SCIN: variants seen among roughly 807,000 people sequenced by gnomAD.
SCIN encodes the protein adseverin.
In SCIN, 91 loss-of-function variants were observed where a neutral mutation model predicts 91.8. The observed-to-expected ratio is 0.99, with a 90% CI of 0.84 to 1.18. The LOEUF is 1.18. Among genes scored for constraint, SCIN ranks in the 50% most tolerant of loss-of-function variants. The pLI is 0.00. For missense variants in SCIN, 1,087 were observed against 863.9 expected, an observed-to-expected ratio of 1.26 and a Z score of -3.24; for synonymous variants, 367 against 312.6, an observed-to-expected ratio of 1.17 and a Z score of -1.84.
intron 4 of SCIN, 68 bp from the exon 5 acceptor site, chr7:12,622,733 A>G (rs1362905472): frequency 1.2e-5 from 13 of 1,083,898 alleles, no homozygotes; most frequent in Non-Finnish European, 1.8e-5. Context: ...TTATAAGTGT[A>G]TTTTTCTAAC....
intron 3 of SCIN, among the ~76,000 whole-genome samples, chr7:12,592,224 C>T (rs1049497517): frequency 2.0e-5 from 3 of 151,634 alleles, no homozygotes; most frequent in Non-Finnish European, 2.9e-5. Flanking sequence ...GTGTTGGTAG[C>T]GACGAGAGAG....
chr7:12,654,447 A>G lies in SCIN; in HGVS notation c.*1732A>G, dbSNP rs1343475725. On this transcript the variant is annotated 3_prime_UTR_variant, in exon 16 of 16. Transcript: ENST00000297029. ...TTGCTATGGCAGTGTAACCTGTACT[A>G]ATAAATATAGTGCTAGTCCTGCATG... 1.3e-5 allele frequency: 2 copies of G among 152,172 alleles called. No individual in the cohort carries two copies. The highest frequency in any genetic ancestry group is 4.8e-5 in the African/African-American group (2 of 41,448). 9.4% of individuals were successfully genotyped at this position (152,172 alleles called of 1,614,324 possible).
intron 9 of SCIN, among the ~76,000 whole-genome samples, chr7:12,631,936 T>C (rs1208694998): frequency 1.3e-5 from 2 of 151,766 alleles, no homozygotes; most frequent in Non-Finnish European, 2.9e-5. Flanking sequence ...CTGAAGAACA[T>C]TTAGGGAACA....
chr7:12,626,511 T>A, intron 7 of SCIN, 73 bp from the exon 8 acceptor site: 1 of 1,154,388 alleles, frequency 8.7e-7, no homozygotes, highest in Non-Finnish European at 1.2e-6. Context: ...TACTTTTGTC[T>A]CCACTGCCAG....
intron 2 of SCIN, among the ~76,000 whole-genome samples, chr7:12,579,861 G>T (rs1452701580): frequency 6.6e-6 from 1 of 152,144 alleles, no homozygotes; most frequent in African/African-American, 2.4e-5. Flanking sequence ...TTGCAGTGAG[G>T]CGAGGTCATG....
intron 14 of SCIN, among the ~76,000 whole-genome samples, chr7:12,649,989 C>T (rs77862751): frequency 0.026 from 3,913 of 152,242 alleles, 272 homozygotes; most frequent in Admixed American, 0.15. Context: ...TGAATCTACA[C>T]AGTAAAATAT....
intron 4 of SCIN, among the ~76,000 whole-genome samples, chr7:12,621,156 G>A (rs147125610): frequency 1.4e-3 from 211 of 152,234 alleles, no homozygotes; most frequent in African/African-American, 4.8e-3. Flanking sequence ...TACGCCAGAT[G>A]TAAAGCCCTT....
At chr7:12,622,739 C>A in intron 4 of SCIN, 62 bp from the exon 5 acceptor site, 1 of 1,141,172 alleles carries the variant, frequency 8.8e-7, no homozygotes, top group Non-Finnish European at 1.3e-6. Context: ...GTGTATTTTT[C>A]TAACTCTGCA....
Position 12,625,155 on chromosome 7 carries a change from A to T in SCIN, c.892+13A>T, listed in dbSNP as rs753776328. ...TTCGTATGGAAAGGTAAAAAATTCC[A>T]TTGACGATGCTGTATTTCAGATTTA... On this transcript the variant is annotated intron_variant, in intron 6 of 15. Coordinates refer to ENST00000297029, the MANE Select transcript of SCIN (RefSeq NM_001112706.3). 1.5e-5 allele frequency: 24 copies of T among 1,604,214 alleles called. No homozygotes were observed. Among genetic ancestry groups the T allele is most frequent in the Non-Finnish European group, 1.9e-5 (22 of 1,175,314 alleles).
intron 8 of SCIN, among the ~76,000 whole-genome samples, chr7:12,628,032 C>CGCGT (rs1271039607): frequency 3.4e-5 from 5 of 146,284 alleles, no homozygotes; most frequent in African/African-American, 5.1e-5. Context: ...AGTGTGCGCG[C>CGCGT]GTGTGTGTGT....
Position 12,644,237 on chromosome 7 carries a change from G to T in SCIN, c.1681G>T (p.Glu561Ter), listed in dbSNP as rs1193198181. 1 of 1,609,100 alleles carries T rather than the reference G, an allele frequency of 6.2e-7. No individual in the cohort carries two copies. The highest frequency in any genetic ancestry group is 8.5e-7 in the Non-Finnish European group (1 of 1,177,544). The change falls in exon 12 of 16, where the codon GAG (glutamate) becomes TAG (stop). Residue 561 changes from glutamate to a stop codon, truncating the protein, a stop_gained. Coordinates refer to ENST00000297029, the MANE Select transcript of SCIN (RefSeq NM_001112706.3). LOFTEE classifies it high-confidence loss of function. ...YIWVGKGASQ[E>*]EEKGAEYVAS... ...CTGGGTAGGAAAAGGTGCTAGCCAG[G>T]AGGAGGAGAAAGGAGCAGAGTATGT...
intron 2 of SCIN, among the ~76,000 whole-genome samples, chr7:12,578,921 T>G: frequency 6.8e-6 from 1 of 146,874 alleles, no homozygotes. Flanking sequence ...TTTTTTTTTT[T>G]TTTGGCATCC....
intron 3 of SCIN, among the ~76,000 whole-genome samples, chr7:12,583,733 G>A (rs750332296): frequency 3.9e-5 from 6 of 152,020 alleles, no homozygotes; most frequent in Admixed American, 1.3e-4. Context: ...TTCTTGTGCC[G>A]TATACTCTCT....
chr7:12,604,709 G>T (rs849778), intron 4 of SCIN, 46 bp downstream of exon 4: 1,374,585 of 1,524,860 alleles, frequency 0.9, 621,120 homozygotes, highest in East Asian at 1. Context: ...ACTCCAACTC[G>T]TATGTGTCTG....
intron 3 of SCIN, chr7:12,596,453 T>A: frequency 2.2e-6 from 1 of 456,228 alleles, no homozygotes; most frequent in South Asian, 1.5e-5. Flanking sequence ...AATGGCCTCT[T>A]TCTGGTGCCA....
At chr7:12,573,367 A>T (rs941925645) in intron 1 of SCIN, among the ~76,000 whole-genome samples, 1 of 151,990 alleles carries the variant, frequency 6.6e-6, no homozygotes, top group African/African-American at 2.4e-5. Flanking sequence ...AACAGGCCAA[A>T]TGGGAGGCAA....
intron 8 of SCIN, 143 bp from the exon 9 acceptor site, chr7:12,628,958 C>G: frequency 1.4e-6 from 1 of 714,212 alleles, no homozygotes; most frequent in Non-Finnish European, 2.2e-6. Context: ...ATAACAATTT[C>G]TTTGCTTGAT....
intron 9 of SCIN, 137 bp downstream of exon 9, chr7:12,629,359 TC>T (rs1366655308): frequency 1.3e-6 from 1 of 797,382 alleles, no homozygotes; most frequent in Non-Finnish European, 1.8e-6. Context: ...TATAGTATTT[TC>T]TTTTTACATG....
At chr7:12,652,129 C>G (rs1448024773) in intron 15 of SCIN, among the ~76,000 whole-genome samples, 3 of 152,218 alleles carry the variant, frequency 2.0e-5, no homozygotes, top group Non-Finnish European at 4.4e-5. Flanking sequence ...AGAATTATAT[C>G]AATTTAATCT....
Sources: allele counts gnomAD v4.1 joint callset (sites outside exome capture counted in the v4.1 genomes callset), GRCh38; gene constraint gnomAD v4.1.1; transcripts MANE v1.5; gene names NCBI Gene and HGNC (gene_info 2026-07-23, HGNC 2026-07-21).